Variants in ATG7 observed in about 807,000 individuals in gnomAD.
ATG7 encodes autophagy related 7, also known as ubiquitin-like modifier-activating enzyme ATG7.
A neutral mutation model predicts 82.4 loss-of-function variants in ATG7; 70 were observed. The observed-to-expected ratio is 0.85, with a 90% CI of 0.70 to 1.04. The LOEUF (loss-of-function observed/expected upper bound fraction) is 1.04, where lower values mean the gene tolerates loss of function less well. Among genes scored for constraint, ATG7 ranks in the 50% least tolerant of loss-of-function variants. ATG7 has a pLI of 0.00. For missense variants in ATG7, 792 were observed against 864.3 expected, an observed-to-expected ratio of 0.92 and a Z score of 1.05; for synonymous variants, 287 against 313.0, an observed-to-expected ratio of 0.92 and a Z score of 0.88.
chr3:11,478,369 CATT>C (rs1327640863), intron 20 of ATG7, among the ~76,000 whole-genome samples: 1 of 152,124 alleles, frequency 6.6e-6, no homozygotes, highest in African/African-American at 2.4e-5. Context: ...TACCTGTAAT[CATT>C]ATTGAGAACC....
chr3:11,420,112 A>C (rs1309643309), intron 19 of ATG7, among the ~76,000 whole-genome samples: 2 of 152,186 alleles, frequency 1.3e-5, no homozygotes, highest in African/African-American at 4.8e-5. Context: ...GGGTAGTTTT[A>C]AATACATTTT....
chr3:11,424,486 C>CA (rs913802790), intron 19 of ATG7, among the ~76,000 whole-genome samples: 11 of 150,796 alleles, frequency 7.3e-5, no homozygotes, highest in Non-Finnish European at 1.0e-4. Flanking sequence ...CCAACAACAA[C>CA]AAAAAAAACA....
intron 20 of ATG7, among the ~76,000 whole-genome samples, chr3:11,490,160 C>T (rs966230630): frequency 5.3e-5 from 8 of 152,064 alleles, no homozygotes; most frequent in Non-Finnish European, 1.2e-4. Context: ...TCTAGGTGCT[C>T]CTGTATTGGG....
At chr3:11,437,178 C>G (rs945436683) in intron 20 of ATG7, among the ~76,000 whole-genome samples, 88 of 152,200 alleles carry the variant, frequency 5.8e-4, no homozygotes, top group African/African-American at 2.1e-3. Context: ...TTGATTTTCT[C>G]TCTGTGACAG....
In ATG7 at chr3:11,488,529, C is replaced by T. The variant is rs1181837088; in HGVS notation, c.2079+61603C>T. ...CCGCGACTGTCCCGGCTCCGCACTGCCCCGGGCCGCAGCGCAGCGGCGCCA... is the reference window on the plus strand; with the variant it reads ...CCGCGACTGTCCCGGCTCCGCACTGTCCCGGGCCGCAGCGCAGCGGCGCCA... On this transcript the variant is annotated intron_variant, in intron 20 of 20. Transcript: ENST00000693202. 1.4e-5 allele frequency: 16 copies of T among 1,144,004 alleles called. No homozygotes were observed. The African/African-American group carries it at 2.0e-4, about 14-fold the overall frequency. 70.9% of individuals were successfully genotyped at this position (1,144,004 alleles called of 1,614,324 possible).
chr3:11,535,664 G>A (rs940564324), intron 20 of ATG7, among the ~76,000 whole-genome samples: 3 of 152,102 alleles, frequency 2.0e-5, no homozygotes, highest in African/African-American at 7.2e-5. Context: ...CTCTGAGGAG[G>A]GCTCGGCCCT....
At chr3:11,461,589 C>G (rs2086303270) in intron 20 of ATG7, among the ~76,000 whole-genome samples, 1 of 152,152 alleles carries the variant, frequency 6.6e-6, no homozygotes, top group Non-Finnish European at 1.5e-5. Flanking sequence ...CTCTCACTCT[C>G]TCTCTTAAAT....
chr3:11,284,771 C>T (rs1459239974), intron 3 of ATG7, among the ~76,000 whole-genome samples: 2 of 150,932 alleles, frequency 1.3e-5, no homozygotes, highest in East Asian at 3.9e-4. Context: ...CTAGAGTGGT[C>T]TTGTCTGGGC....
chr3:11,460,929 T>G (rs1279665198), intron 20 of ATG7, among the ~76,000 whole-genome samples: 1 of 152,218 alleles, frequency 6.6e-6, no homozygotes, highest in Non-Finnish European at 1.5e-5. Flanking sequence ...CCACCTGGTA[T>G]GACCAACATC....
intron 19 of ATG7, among the ~76,000 whole-genome samples, chr3:11,382,002 A>G (rs866583339): frequency 6.6e-5 from 10 of 152,234 alleles, no homozygotes; most frequent in Admixed American, 2.0e-4. Context: ...AGTATAATAC[A>G]TGTTATACAG....
At chr3:11,283,590 G>A (rs2594966) in intron 3 of ATG7, among the ~76,000 whole-genome samples, 79,932 of 151,798 alleles carry the variant, frequency 0.53, 22,022 homozygotes, top group East Asian at 0.63. Context: ...CCTGATTCCT[G>A]ACTGCATTAC....
chr3:11,303,609 A>G (rs1481321068), intron 5 of ATG7, among the ~76,000 whole-genome samples: 1 of 151,340 alleles, frequency 6.6e-6, no homozygotes, highest in African/African-American at 2.4e-5. Flanking sequence ...CGGAGCTTGC[A>G]GTGAGCCGAG....
At chr3:11,528,338 ATAGCTATCTTACCTTCAG>A (rs2092626514) in intron 20 of ATG7, among the ~76,000 whole-genome samples, 1 of 152,166 alleles carries the variant, frequency 6.6e-6, no homozygotes, top group Non-Finnish European at 1.5e-5. Flanking sequence ...AAAACATAAG[ATAGCTATCTTACCTTCAG>A]AGGAATCGCA....
intron 20 of ATG7, among the ~76,000 whole-genome samples, chr3:11,461,169 G>T (rs1428692637): frequency 1.3e-5 from 2 of 152,178 alleles, no homozygotes; most frequent in African/African-American, 4.8e-5. Flanking sequence ...TGCTGGGCAG[G>T]TTGAATAGAC....
At chr3:11,416,475 T>G (rs2081383560) in intron 19 of ATG7, among the ~76,000 whole-genome samples, 1 of 152,188 alleles carries the variant, frequency 6.6e-6, no homozygotes. Context: ...TCATTTAGTT[T>G]ATCAAATTTC....
At chr3:11,534,078 C>T (rs983829443) in intron 20 of ATG7, among the ~76,000 whole-genome samples, 1 of 151,806 alleles carries the variant, frequency 6.6e-6, no homozygotes, top group Non-Finnish European at 1.5e-5. Flanking sequence ...GCCTCCTCCT[C>T]CCCCCCCAGG....
downstream of ATG7, chr3:11,559,363 G>C: frequency 7.1e-6 from 11 of 1,551,124 alleles, no homozygotes; most frequent in Non-Finnish European, 9.6e-6. Flanking sequence ...TGGCAGGCCC[G>C]GGCGCGGCAC....
At chr3:11,294,144 A>G (rs1346853112) in intron 3 of ATG7, among the ~76,000 whole-genome samples, 1 of 152,014 alleles carries the variant, frequency 6.6e-6, no homozygotes, top group Admixed American at 6.6e-5. Context: ...AAAGAGGGAA[A>G]GGGAGAGATT....
chr3:11,543,742 A>T (rs145441364), intron 20 of ATG7, among the ~76,000 whole-genome samples: 1 of 152,356 alleles, frequency 6.6e-6, no homozygotes, highest in African/African-American at 2.4e-5. Flanking sequence ...TCTACTAAAA[A>T]TACCAAAAAA....
Sources: allele counts gnomAD v4.1 joint callset (sites outside exome capture counted in the v4.1 genomes callset), GRCh38; gene constraint gnomAD v4.1.1; transcripts MANE v1.5; gene names NCBI Gene and HGNC (gene_info 2026-07-23, HGNC 2026-07-21).